The following PLA2G4E variants were observed in gnomAD, a reference collection of about 807,000 sequenced individuals.
PLA2G4E encodes the protein phospholipase A2 group IVE, also known as cytosolic phospholipase A2 epsilon.
PLA2G4E carries 84 observed loss-of-function variants against 109.1 expected under a neutral mutation model. That is an observed-to-expected ratio of 0.77 (90% CI 0.65 to 0.92). PLA2G4E has a LOEUF of 0.92. Ranked by LOEUF, PLA2G4E falls within the 40% of genes least tolerant of loss-of-function variation. The pLI is 0.00. For missense variants in PLA2G4E, 1,057 were observed against 1,076.6 expected, an observed-to-expected ratio of 0.98 and a Z score of 0.25; for synonymous variants, 469 against 436.1, an observed-to-expected ratio of 1.08 and a Z score of -0.94.
At chr15:42,019,890 G>A (rs917340693) in intron 1 of PLA2G4E, among the ~76,000 whole-genome samples, 3 of 152,220 alleles carry the variant, frequency 2.0e-5, no homozygotes, top group Non-Finnish European at 4.4e-5. Flanking sequence ...CCACATTTGG[G>A]GTCCCGGGCT....
chr15:42,020,040 TG>T (rs968913647), intron 1 of PLA2G4E, among the ~76,000 whole-genome samples: 147 of 152,234 alleles, frequency 9.7e-4, no homozygotes, highest in African/African-American at 2.9e-3. Context: ...CCAAGTGCTG[TG>T]GGGAAACCAG....
At chr15:42,025,776 A>T (rs2068688854) in intron 1 of PLA2G4E, among the ~76,000 whole-genome samples, 1 of 152,192 alleles carries the variant, frequency 6.6e-6, no homozygotes, top group South Asian at 2.1e-4. Flanking sequence ...TTTGTCTGAG[A>T]TGACGGTGCT....
intron 12 of PLA2G4E, among the ~76,000 whole-genome samples, chr15:41,995,016 G>A (rs1339275302): frequency 6.6e-6 from 1 of 152,250 alleles, no homozygotes; most frequent in Admixed American, 6.5e-5. Context: ...GTCCCCAGCA[G>A]TATGGGGTCA....
rs557683082 is a variant in PLA2G4E, at chr15:42,016,819, C to T, written c.184-3062G>A. 3.9e-5 allele frequency among the ~76,000 whole-genome samples: 6 copies of T among 152,330 alleles called. No homozygotes were observed. The South Asian group carries it at 1.2e-3, about 32-fold the overall frequency. ...GTGAGATCAACCCTGAAATATTGAA[C>T]ATCTCATGGTCAATAACTTGCTCTA... On this transcript the variant is annotated intron_variant, in intron 1 of 19. Transcript: ENST00000399518.
At chr15:42,002,837 C>T in intron 5 of PLA2G4E, 141 bp from the exon 6 acceptor site, 2 of 823,058 alleles carry the variant, frequency 2.4e-6, no homozygotes, top group Non-Finnish European at 4.0e-6. Flanking sequence ...GCTTCGGAAA[C>T]CTTAGCCTTA....
intron 1 of PLA2G4E, among the ~76,000 whole-genome samples, chr15:42,033,987 C>T (rs193299153): frequency 5.9e-5 from 9 of 152,190 alleles, no homozygotes; most frequent in East Asian, 3.9e-4. Flanking sequence ...GTCCTTTTTC[C>T]GGTGATGTAG....
At chr15:42,043,726 C>G (rs1889360265) in intron 1 of PLA2G4E, among the ~76,000 whole-genome samples, 1 of 152,138 alleles carries the variant, frequency 6.6e-6, no homozygotes, top group South Asian at 2.1e-4. Context: ...GGCTCTGGCA[C>G]TTACTGGGGC....
intron 3 of PLA2G4E, among the ~76,000 whole-genome samples, chr15:42,007,303 C>T (rs1436391450): frequency 6.6e-6 from 1 of 151,984 alleles, no homozygotes; most frequent in Non-Finnish European, 1.5e-5. Flanking sequence ...AAATACACAC[C>T]CAAAGAAATG....
intron 4 of PLA2G4E, 37 bp downstream of exon 4, chr15:42,005,953 T>C: frequency 1.2e-6 from 2 of 1,607,042 alleles, no homozygotes; most frequent in East Asian, 2.2e-5. Context: ...GAGGTTATCA[T>C]GAAGCCGGAG....
intron 1 of PLA2G4E, among the ~76,000 whole-genome samples, chr15:42,028,403 A>ATTTATTTATTTATTTC (rs1555388341): frequency 1.7e-4 from 25 of 145,032 alleles, no homozygotes; most frequent in African/African-American, 5.7e-4. Flanking sequence ...TTATTTATTT[A>ATTTATTTATTTATTTC]TTTATTTATT....
intron 12 of PLA2G4E, among the ~76,000 whole-genome samples, chr15:41,994,546 T>A (rs1169886314): frequency 6.6e-6 from 1 of 152,146 alleles, no homozygotes; most frequent in Non-Finnish European, 1.5e-5. Flanking sequence ...TTGTTTTTTT[T>A]AAAGACAAGT....
At chr15:42,007,042 A>G (rs185540201) in intron 3 of PLA2G4E, among the ~76,000 whole-genome samples, 1 of 152,380 alleles carries the variant, frequency 6.6e-6, no homozygotes, top group Admixed American at 6.5e-5. Flanking sequence ...TTGAAAAGAT[A>G]CGTCACGTAA....
At chr15:41,992,871 C>T (rs2068274597) in exon 13 of PLA2G4E, 2 of 1,613,930 alleles carry the variant, frequency 1.2e-6, no homozygotes. Flanking sequence ...GGTAGCTTGT[C>T]CTTTACCACA....
At chr15:42,034,861 G>C (rs1889181023) in intron 1 of PLA2G4E, among the ~76,000 whole-genome samples, 1 of 152,220 alleles carries the variant, frequency 6.6e-6, no homozygotes, top group African/African-American at 2.4e-5. Context: ...GGACTTCCCA[G>C]TTACATGAGA....
chr15:42,033,611 G>A (rs1221687911), intron 1 of PLA2G4E, among the ~76,000 whole-genome samples: 1 of 151,910 alleles, frequency 6.6e-6, no homozygotes, highest in Non-Finnish European at 1.5e-5. Flanking sequence ...AGGTCCTTTG[G>A]GGTGACTCTG....
intron 16 of PLA2G4E, 72 bp from the exon 17 acceptor site, chr15:41,987,447 C>T: frequency 1.4e-6 from 2 of 1,458,272 alleles, no homozygotes; most frequent in Non-Finnish European, 1.9e-6. Context: ...CGAAGCCCCA[C>T]ATGGTTGCCT....
At chr15:41,990,322 G>C (rs1003404154) in intron 13 of PLA2G4E, 87 bp from the exon 14 acceptor site, 96 of 1,190,410 alleles carry the variant, frequency 8.1e-5, no homozygotes, top group Middle Eastern at 2.8e-4. Flanking sequence ...CTGGACCCCC[G>C]CAGCCACTTC....
chr15:41,989,586 C>T, intron 14 of PLA2G4E, 34 bp from the exon 15 acceptor site: 1 of 1,599,112 alleles, frequency 6.3e-7, no homozygotes, highest in Non-Finnish European at 8.5e-7. Context: ...GGGTCAGTCT[C>T]AGGCCAGGGA....
intron 1 of PLA2G4E, among the ~76,000 whole-genome samples, chr15:42,046,823 T>TAAGAAC (rs1434203160): frequency 1.3e-5 from 2 of 152,196 alleles, no homozygotes; most frequent in African/African-American, 2.4e-5. Context: ...AGAAGTTATC[T>TAAGAAC]AAGAACACAG....
Sources: gnomAD v4.1 joint callset for allele counts (sites outside exome capture counted in the v4.1 genomes callset) on GRCh38, gnomAD v4.1.1 for gene constraint, MANE v1.5 for transcripts, NCBI Gene and HGNC (gene_info 2026-07-23, HGNC 2026-07-21) for gene names.